Variants in WDR70 observed in about 807,000 individuals in gnomAD.
WDR70 encodes WD repeat-containing protein 70.
Under a neutral mutation model 88.6 loss-of-function variants are expected in WDR70, and 53 were observed. That is an observed-to-expected ratio of 0.60 (90% CI 0.48 to 0.75). The LOEUF (loss-of-function observed/expected upper bound fraction) is 0.75. Among genes scored for constraint, WDR70 ranks in the 30% least tolerant of loss-of-function variants. The probability of loss-of-function intolerance (pLI) is 0.00; values close to 1 mark genes in which losing one functional copy is unlikely to be tolerated. For missense variants in WDR70, 610 were observed against 823.2 expected (o/e 0.74, Z 3.17); for synonymous variants, 280 against 270.0 (o/e 1.04, Z -0.36).
intron 9 of WDR70, among the ~76,000 whole-genome samples, chr5:37,536,937 T>C (rs1741685704): frequency 6.6e-6 from 1 of 152,132 alleles, no homozygotes; most frequent in Non-Finnish European, 1.5e-5. Context: ...TGAAGAATAT[T>C]TCCCTCATTT....
At chr5:37,433,248 A>G (rs1750367400) in intron 5 of WDR70, among the ~76,000 whole-genome samples, 1 of 151,896 alleles carries the variant, frequency 6.6e-6, no homozygotes, top group South Asian at 2.1e-4. Context: ...TTTAGTAGAG[A>G]TGGGGTTTCA....
At chr5:37,695,515 G>A (rs1278601470) in intron 10 of WDR70, among the ~76,000 whole-genome samples, 1 of 152,152 alleles carries the variant, frequency 6.6e-6, no homozygotes, top group Non-Finnish European at 1.5e-5. Flanking sequence ...TAAAATCAGA[G>A]TATTGCCTTG....
At chr5:37,622,125 A>G (rs1744523829) in intron 10 of WDR70, among the ~76,000 whole-genome samples, 1 of 152,128 alleles carries the variant, frequency 6.6e-6, no homozygotes, top group African/African-American at 2.4e-5. Context: ...TGTTTTGGTT[A>G]CTGTAGCCAA....
At chr5:37,661,803 G>C (rs1745706020) in intron 10 of WDR70, among the ~76,000 whole-genome samples, 1 of 152,172 alleles carries the variant, frequency 6.6e-6, no homozygotes, top group African/African-American at 2.4e-5. Context: ...ACCGATCTTA[G>C]GTTTTGCAAT....
At chr5:37,576,027 TTTCCTTCC>T (rs369405090) in intron 9 of WDR70, among the ~76,000 whole-genome samples, 53 of 150,672 alleles carry the variant, frequency 3.5e-4, no homozygotes, top group African/African-American at 7.6e-4. Context: ...AAAAAGCAGA[TTTCCTTCC>T]TTCCTTCCTT....
chr5:37,446,049 C>T (rs1258571100), intron 7 of WDR70, among the ~76,000 whole-genome samples: 1 of 152,192 alleles, frequency 6.6e-6, no homozygotes, highest in East Asian at 1.9e-4. Flanking sequence ...CCCATCGTCT[C>T]AGCCCCAAAA....
intron 9 of WDR70, among the ~76,000 whole-genome samples, chr5:37,531,678 A>G (rs1282547277): frequency 2.0e-5 from 3 of 150,186 alleles, no homozygotes. Flanking sequence ...TTCAGAAGAC[A>G]GCAGAAACTT....
At chr5:37,646,839 CT>C (rs1288509987) in intron 10 of WDR70, among the ~76,000 whole-genome samples, 34 of 152,032 alleles carry the variant, frequency 2.2e-4, no homozygotes, top group Non-Finnish European at 1.5e-5. Flanking sequence ...GTCTTCTGCT[CT>C]TTTTTTAGGT....
Position 37,450,002 on chromosome 5 carries a change from G to A in WDR70, c.686+6630G>A, listed in dbSNP as rs541918923. ...TATGAGTGAGAACATGTGGTGTTTG[G>A]TTTTCTGTTCTTGTGTTAGTTTGCT... On this transcript the variant is annotated intron_variant, in intron 7 of 17. Coordinates refer to ENST00000265107, the MANE Select transcript of WDR70 (RefSeq NM_018034.4). Among the ~76,000 whole-genome samples, 21 of 152,210 alleles carry A rather than the reference G, an allele frequency of 1.4e-4. No homozygotes were observed. The South Asian group carries it at 2.5e-3, about 18-fold the overall frequency.
intron 9 of WDR70, among the ~76,000 whole-genome samples, chr5:37,571,011 A>G (rs962754214): frequency 3.3e-5 from 5 of 151,228 alleles, no homozygotes; most frequent in African/African-American, 1.2e-4. Context: ...CCAAGTTTGT[A>G]TGATTTTTTT....
intron 10 of WDR70, among the ~76,000 whole-genome samples, chr5:37,610,629 C>T (rs1191956110): frequency 1.3e-5 from 2 of 152,132 alleles, no homozygotes; most frequent in East Asian, 3.9e-4. Context: ...GGAGCTCTCA[C>T]CTCACTGAGA....
intron 9 of WDR70, among the ~76,000 whole-genome samples, chr5:37,575,342 G>A (rs957035930): frequency 1.3e-5 from 2 of 152,032 alleles, no homozygotes; most frequent in African/African-American, 4.8e-5. Flanking sequence ...CTAAATCCTT[G>A]GAATTTTCTG....
intron 9 of WDR70, among the ~76,000 whole-genome samples, chr5:37,580,624 A>G (rs1473682629): frequency 6.6e-6 from 1 of 152,270 alleles, no homozygotes; most frequent in African/African-American, 2.4e-5. Flanking sequence ...TGATCATACC[A>G]GATTTGTTTT....
intron 9 of WDR70, among the ~76,000 whole-genome samples, chr5:37,526,354 A>T (rs1206069094): frequency 1.3e-5 from 2 of 152,206 alleles, no homozygotes; most frequent in Non-Finnish European, 2.9e-5. Context: ...AACGTAATCC[A>T]TCATATAAAC....
chr5:37,622,838 G>A (rs982200986), intron 10 of WDR70, among the ~76,000 whole-genome samples: 21 of 151,722 alleles, frequency 1.4e-4, no homozygotes, highest in South Asian at 6.3e-4. Context: ...ACATGTATAC[G>A]TATGTAACTA....
At chr5:37,748,128 G>GA (rs1748688177) in intron 17 of WDR70, among the ~76,000 whole-genome samples, 1 of 152,148 alleles carries the variant, frequency 6.6e-6, no homozygotes, top group African/African-American at 2.4e-5. Flanking sequence ...CACAGAATTA[G>GA]AAAAAACTAT....
At position 37,605,250 on chromosome 5, in the gene WDR70, C is replaced by A. The variant is rs200040356; in HGVS notation, c.1092+12C>A. 177 of 1,586,434 alleles carry A rather than the reference C, an allele frequency of 1.1e-4. 1 individual carries two copies. The highest frequency in any genetic ancestry group is 6.7e-4 in the Middle Eastern group (4 of 5,944). ...ACCGAAATTTGACTGTAAGTTAAATCTTTTCTTAGAACATGGCCACCTTAA... is the reference window on the plus strand; with the variant it reads ...ACCGAAATTTGACTGTAAGTTAAATATTTTCTTAGAACATGGCCACCTTAA... On this transcript the variant is annotated intron_variant, in intron 10 of 17. Coordinates refer to ENST00000265107, the MANE Select transcript of WDR70 (RefSeq NM_018034.4).
intron 9 of WDR70, among the ~76,000 whole-genome samples, chr5:37,562,684 C>G (rs2112379696): frequency 6.6e-6 from 1 of 152,254 alleles, no homozygotes; most frequent in South Asian, 2.1e-4. Flanking sequence ...ATCTGTTTAA[C>G]AAAGCACATC....
intron 10 of WDR70, among the ~76,000 whole-genome samples, chr5:37,668,653 C>A (rs772725629): frequency 6.6e-6 from 1 of 152,152 alleles, no homozygotes; most frequent in Non-Finnish European, 1.5e-5. Flanking sequence ...GATTCCAGAG[C>A]GGTGGCATCA....
Sources: allele counts gnomAD v4.1 joint callset (sites outside exome capture counted in the v4.1 genomes callset), GRCh38; gene constraint gnomAD v4.1.1; transcripts MANE v1.5; gene names NCBI Gene and HGNC (gene_info 2026-07-23, HGNC 2026-07-21).